Variants in RGS6 observed in about 807,000 individuals in gnomAD.
RGS6 encodes the protein regulator of G-protein signaling 6.
Under a neutral mutation model 78.5 loss-of-function variants are expected in RGS6, and 30 were observed. The ratio of observed to expected loss-of-function variants is 0.38; its 90% CI spans 0.29 to 0.52. The LOEUF (loss-of-function observed/expected upper bound fraction) is 0.52, where lower values mean the gene tolerates loss of function less well. Ranked by LOEUF, RGS6 falls within the 20% of genes least tolerant of loss-of-function variation. The pLI is 0.85. For missense variants in RGS6, 495 were observed against 609.7 expected (o/e 0.81, Z 1.98); for synonymous variants, 206 against 206.0 (o/e 1.00, Z 0.00).
chr14:72,200,030 T>C (rs1010087124), intron 2 of RGS6, among the ~76,000 whole-genome samples: 14 of 152,196 alleles, frequency 9.2e-5, no homozygotes, highest in African/African-American at 3.4e-4. Context: ...AATATAACCA[T>C]TTCTGCACTG....
intron 2 of RGS6, among the ~76,000 whole-genome samples, chr14:72,023,758 A>C (rs574142723): frequency 6.6e-6 from 1 of 152,186 alleles, no homozygotes; most frequent in Non-Finnish European, 1.5e-5. Flanking sequence ...TCACTTGATA[A>C]ATGGAATGAG....
At chr14:72,303,925 C>G (rs2066662444) in intron 2 of RGS6, among the ~76,000 whole-genome samples, 1 of 152,140 alleles carries the variant, frequency 6.6e-6, no homozygotes, top group African/African-American at 2.4e-5. Context: ...TTGAGTTTCC[C>G]TACTTCTACC....
At chr14:72,253,442 A>G (rs545933886) in intron 2 of RGS6, among the ~76,000 whole-genome samples, 1 of 152,240 alleles carries the variant, frequency 6.6e-6, no homozygotes, top group African/African-American at 2.4e-5. Flanking sequence ...TAAAGACCAG[A>G]TAGTAAATAT....
intron 2 of RGS6, among the ~76,000 whole-genome samples, chr14:72,109,134 C>CT (rs1241131819): frequency 9.9e-5 from 15 of 151,196 alleles, no homozygotes; most frequent in African/African-American, 2.2e-4. Flanking sequence ...TGAATCTTCT[C>CT]TTTTTTTTTC....
intron 2 of RGS6, among the ~76,000 whole-genome samples, chr14:72,089,984 C>T (rs1010380651): frequency 6.6e-6 from 1 of 152,012 alleles, no homozygotes. Context: ...TTATAAGACA[C>T]GTTGTAAGAC....
intron 2 of RGS6, among the ~76,000 whole-genome samples, chr14:72,071,698 T>G (rs1430636845): frequency 6.6e-6 from 1 of 152,248 alleles, no homozygotes; most frequent in Non-Finnish European, 1.5e-5. Context: ...TCTGGTCATT[T>G]AGGTACTTAT....
At chr14:72,132,948 C>G (rs537385522) in intron 2 of RGS6, among the ~76,000 whole-genome samples, 18 of 151,980 alleles carry the variant, frequency 1.2e-4, no homozygotes, top group Admixed American at 8.5e-4. Flanking sequence ...GAAATGTGTT[C>G]CATTAGATGT....
chr14:72,308,555 T>G, intron 2 of RGS6, among the ~76,000 whole-genome samples: 1 of 152,202 alleles, frequency 6.6e-6, no homozygotes, highest in East Asian at 1.9e-4. Flanking sequence ...GAACTCTGCC[T>G]TGCCCACAGC....
chr14:72,007,514 G>A (rs531938289), intron 2 of RGS6, among the ~76,000 whole-genome samples: 4 of 152,196 alleles, frequency 2.6e-5, no homozygotes, highest in Non-Finnish European at 4.4e-5. Flanking sequence ...GGCTTTGAAC[G>A]TGGCCCAACA....
At chr14:72,055,165 G>A (rs1462156115) in intron 2 of RGS6, among the ~76,000 whole-genome samples, 2 of 152,198 alleles carry the variant, frequency 1.3e-5, no homozygotes, top group African/African-American at 4.8e-5. Flanking sequence ...AACCACTGCT[G>A]TGTTGTGGTG....
chr14:71,943,928 A>G (rs1353751866), intron 1 of RGS6, among the ~76,000 whole-genome samples: 1 of 152,046 alleles, frequency 6.6e-6, no homozygotes, highest in Non-Finnish European at 1.5e-5. Flanking sequence ...TGTGGATGCA[A>G]GGTGCACGTG....
intron 10 of RGS6, among the ~76,000 whole-genome samples, chr14:72,474,980 TGAG>T (rs2096197624): frequency 8.1e-6 from 1 of 122,896 alleles, no homozygotes; most frequent in Admixed American, 1.1e-4. Flanking sequence ...ACAGGACAGT[TGAG>T]GAGCCCAGGA....
intron 2 of RGS6, among the ~76,000 whole-genome samples, chr14:72,333,917 C>T (rs2075534481): frequency 6.6e-6 from 1 of 152,212 alleles, no homozygotes; most frequent in Non-Finnish European, 1.5e-5. Context: ...CTCTGCATCC[C>T]CAAATGAGCT....
the RGS6 span, among the ~76,000 whole-genome samples, chr14:72,574,318 C>T: frequency 4.6e-5 from 7 of 152,312 alleles, no homozygotes; most frequent in African/African-American, 9.6e-5. Context: ...TGTGACTTTC[C>T]CCAGTCCCTG....
intron 2 of RGS6, among the ~76,000 whole-genome samples, chr14:72,149,357 T>C (rs1332811501): frequency 6.6e-6 from 1 of 152,080 alleles, no homozygotes; most frequent in Non-Finnish European, 1.5e-5. Context: ...CACTCTTCAA[T>C]GGGGGGAGTG....
intron 2 of RGS6, among the ~76,000 whole-genome samples, chr14:72,002,664 G>C (rs2083711108): frequency 1.3e-5 from 2 of 152,140 alleles, no homozygotes; most frequent in Admixed American, 1.3e-4. Flanking sequence ...TGATTATGGA[G>C]GAGGCTGCAA....
intron 2 of RGS6, among the ~76,000 whole-genome samples, chr14:72,074,183 C>T (rs984308003): frequency 3.9e-5 from 6 of 152,166 alleles, no homozygotes; most frequent in Non-Finnish European, 8.8e-5. Flanking sequence ...AATGGTAGTA[C>T]AAGAGTCAGC....
At chr14:72,364,155 G>C (rs944616666) in intron 3 of RGS6, among the ~76,000 whole-genome samples, 13 of 152,016 alleles carry the variant, frequency 8.6e-5, no homozygotes, top group African/African-American at 2.9e-4. Context: ...CCAATCACTA[G>C]CTAGTGTCTA....
At chr14:72,598,807 T>C in the RGS6 span, among the ~76,000 whole-genome samples, 1 of 152,210 alleles carries the variant, frequency 6.6e-6, no homozygotes, top group Admixed American at 6.5e-5. Context: ...GCTTTCTATG[T>C]CTCCCTATTC....
Sources: gnomAD v4.1 joint callset for allele counts (sites outside exome capture counted in the v4.1 genomes callset) on GRCh38, gnomAD v4.1.1 for gene constraint, MANE v1.5 for transcripts, NCBI Gene and HGNC (gene_info 2026-07-23, HGNC 2026-07-21) for gene names.